The following SLC25A12 variants were observed in gnomAD, a reference collection of about 807,000 sequenced individuals.
The protein encoded by SLC25A12 is electrogenic aspartate/glutamate antiporter SLC25A12, mitochondrial.
Under a neutral mutation model 83.3 loss-of-function variants are expected in SLC25A12, and 32 were observed. The observed-to-expected ratio is 0.38, with a 90% confidence interval of 0.29 to 0.52. SLC25A12 has a LOEUF of 0.52. Ranked by LOEUF, SLC25A12 falls within the 20% of genes least tolerant of loss-of-function variation. The pLI, the probability that SLC25A12 is intolerant of heterozygous loss-of-function variation, is 0.84. For missense variants in SLC25A12, 611 were observed against 835.6 expected, an observed-to-expected ratio of 0.73 and a Z score of 3.31; for synonymous variants, 267 against 291.1, an observed-to-expected ratio of 0.92 and a Z score of 0.84.
Position 171,793,738 on chromosome 2 carries a change from G to T in SLC25A12, c.1335C>A (p.Asn445Lys), listed in dbSNP as rs917943692. 4.3e-6 allele frequency: 7 copies of T among 1,614,166 alleles called. No individual in the cohort carries two copies. The highest frequency in any genetic ancestry group is 2.2e-5 in the East Asian group (1 of 44,888). Reference sequence around the variant, plus strand: ...GACGAATCTTCACTATCTCCAATGGGTTGGTAAAAATGACCTGAGAGCCTC... The same window carrying T: ...GACGAATCTTCACTATCTCCAATGGTTTGGTAAAAATGACCTGAGAGCCTC... ...CAGGSQVIFT[N>K]PLEIVKIRLQ... Residue 445 changes from asparagine (N) to lysine (K), a missense_variant, in exon 14 of 18, where the codon AAC (asparagine) becomes AAA (lysine). By Grantham distance (94) the Asn-to-Lys change is moderately conservative (BLOSUM62 0). Coordinates refer to ENST00000422440, the MANE Select transcript of SLC25A12 (RefSeq NM_003705.5).
Position 171,787,673 on chromosome 2 carries a change from A to C in SLC25A12, c.1745-12T>G. On this transcript the variant is annotated splice_polypyrimidine_tract_variant and intron_variant, in intron 16 of 17. Coordinates refer to ENST00000422440, the MANE Select transcript of SLC25A12 (RefSeq NM_003705.5). The stretch of plus-strand genomic sequence containing the variant: ...TCGAAACACTCGAGCTGAAAAAGAG[A>C]AGCAGGGGCAGGGGAGACTTGAAAC... 1.2e-6 allele frequency: 2 copies of C among 1,613,268 alleles called. No homozygotes were observed. Among genetic ancestry groups the C allele is most frequent in the Non-Finnish European group, 1.7e-6 (2 of 1,179,182 alleles).
At chr2:171,834,916 C>A (rs757005451) in intron 6 of SLC25A12, 51 bp from the exon 7 acceptor site, 2 of 1,571,522 alleles carry the variant, frequency 1.3e-6, no homozygotes, top group Non-Finnish European at 1.7e-6. Context: ...AACAAAAACA[C>A]GTTTATGGAC....
chr2:171,832,985 A>T (rs1684474694), intron 8 of SLC25A12, among the ~76,000 whole-genome samples: 1 of 152,136 alleles, frequency 6.6e-6, no homozygotes, highest in African/African-American at 2.4e-5. Context: ...GGTCAAGGGC[A>T]CCAAGCTGGG....
At chr2:171,795,617 A>C (rs1683580692) in intron 13 of SLC25A12, among the ~76,000 whole-genome samples, 1 of 152,204 alleles carries the variant, frequency 6.6e-6, no homozygotes, top group African/African-American at 2.4e-5. Flanking sequence ...TTTTATTCTA[A>C]TTCCCCCAAA....
intron 9 of SLC25A12, among the ~76,000 whole-genome samples, chr2:171,816,268 G>A (rs963934248): frequency 6.6e-6 from 1 of 151,864 alleles, no homozygotes; most frequent in African/African-American, 2.4e-5. Context: ...GTCTGTTTAT[G>A]TTGCCCAGGC....
At chr2:171,816,598 G>GT (rs1386635698) in intron 9 of SLC25A12, among the ~76,000 whole-genome samples, 1 of 151,578 alleles carries the variant, frequency 6.6e-6, no homozygotes, top group South Asian at 2.1e-4. Flanking sequence ...TTTATTGTTT[G>GT]TTTTTTCCCA....
Position 171,820,118 on chromosome 2 carries a change from C to T in SLC25A12, c.931-4916G>A, listed in dbSNP as rs148926008. On this transcript the variant is annotated intron_variant, in intron 9 of 17. Coordinates refer to ENST00000422440, the MANE Select transcript of SLC25A12 (RefSeq NM_003705.5). ...GGAGAGGAGCAGAAAAGATAACTAT[C>T]GGGTACTGGGCTTAATACCTGGGTG... Among the ~76,000 whole-genome samples, 1,505 of 152,178 alleles carry T rather than the reference C, an allele frequency of 9.9e-3. 21 individuals carry two copies. Among genetic ancestry groups the T allele is most frequent in the African/African-American group, 0.034 (1,415 of 41,514 alleles).
intron 12 of SLC25A12, among the ~76,000 whole-genome samples, chr2:171,809,948 C>T (rs1041233121): frequency 2.0e-5 from 3 of 152,134 alleles, no homozygotes; most frequent in African/African-American, 7.2e-5. Context: ...TCACTACAGC[C>T]TCAAATTCCT....
chr2:171,842,737 G>A (rs992394541), intron 5 of SLC25A12, among the ~76,000 whole-genome samples: 4 of 152,142 alleles, frequency 2.6e-5, no homozygotes, highest in Non-Finnish European at 4.4e-5. Flanking sequence ...AATGGAACAC[G>A]GTTTCTTTTT....
chr2:171,879,389 T>G (rs1277966654), intron 2 of SLC25A12, among the ~76,000 whole-genome samples: 1 of 152,212 alleles, frequency 6.6e-6, no homozygotes, highest in Non-Finnish European at 1.5e-5. Flanking sequence ...TTAATATATT[T>G]TCACTGTCCA....
At chr2:171,853,116 G>C (rs971216584) in intron 4 of SLC25A12, among the ~76,000 whole-genome samples, 2 of 152,096 alleles carry the variant, frequency 1.3e-5, no homozygotes, top group Non-Finnish European at 1.5e-5. Flanking sequence ...TCAGCCTCCC[G>C]AGGAGCTGAA....
At chr2:171,875,104 C>T (rs908644440) in intron 2 of SLC25A12, among the ~76,000 whole-genome samples, 2 of 152,116 alleles carry the variant, frequency 1.3e-5, no homozygotes, top group East Asian at 1.9e-4. Context: ...GATGTTTGTA[C>T]GGGAGTGTGA....
chr2:171,874,247 T>C (rs1685517711), intron 2 of SLC25A12, among the ~76,000 whole-genome samples: 1 of 149,464 alleles, frequency 6.7e-6, no homozygotes, highest in African/African-American at 2.5e-5. Flanking sequence ...TAATAATTAG[T>C]TGGGCGTGGT....
At chr2:171,834,519 C>A (rs1007128087) in intron 7 of SLC25A12, among the ~76,000 whole-genome samples, 1 of 152,172 alleles carries the variant, frequency 6.6e-6, no homozygotes, top group African/African-American at 2.4e-5. Flanking sequence ...AGGTTCTTTT[C>A]AAAACTGTCA....
At position 171,854,650 on chromosome 2, in the gene SLC25A12, A is replaced by C. The variant is rs1174463825; in HGVS notation, c.325+1184T>G. ...GAAGATAGTTGAGTCAATGGGCAGA[A>C]GGAAGAAGAAAACAATCAATGTCAC... On this transcript the variant is annotated intron_variant, in intron 4 of 17. Coordinates refer to ENST00000422440, the MANE Select transcript of SLC25A12 (RefSeq NM_003705.5). 2.0e-5 allele frequency among the ~76,000 whole-genome samples: 3 copies of C among 152,224 alleles called. No individual in the cohort carries two copies. The South Asian group carries it at 6.2e-4, about 31-fold the overall frequency.
intron 13 of SLC25A12, among the ~76,000 whole-genome samples, chr2:171,803,823 A>C (rs1683764137): frequency 1.3e-5 from 2 of 149,724 alleles, no homozygotes; most frequent in Admixed American, 1.3e-4. Flanking sequence ...ACACACACAC[A>C]CACACACACG....
At chr2:171,813,218 G>C (rs1434641999) in intron 11 of SLC25A12, 121 bp downstream of exon 11, 1 of 972,352 alleles carries the variant, frequency 1.0e-6, no homozygotes, top group East Asian at 2.5e-5. Context: ...AAAATAAAAA[G>C]AGAGAAACAG....
At chr2:171,811,031 C>T (rs1052940140) in intron 11 of SLC25A12, among the ~76,000 whole-genome samples, 11 of 152,190 alleles carry the variant, frequency 7.2e-5, no homozygotes, top group African/African-American at 2.4e-4. Flanking sequence ...ATAAACAATT[C>T]AACATCTGTT....
At chr2:171,835,191 A>G (rs1365205982) in intron 6 of SLC25A12, among the ~76,000 whole-genome samples, 1 of 152,272 alleles carries the variant, frequency 6.6e-6, no homozygotes. Context: ...AAGACCCTCA[A>G]CTGTGAAACT....
Sources: gnomAD v4.1 joint callset for allele counts (sites outside exome capture counted in the v4.1 genomes callset) on GRCh38, gnomAD v4.1.1 for gene constraint, MANE v1.5 for transcripts, NCBI Gene and HGNC (gene_info 2026-07-23, HGNC 2026-07-21) for gene names.